The following PARD3B variants were observed in gnomAD, a reference collection of about 807,000 sequenced individuals.
PARD3B encodes par-3 family cell polarity regulator beta.
PARD3B carries 103 observed loss-of-function variants against 130.2 expected under a neutral mutation model. The ratio of observed to expected loss-of-function variants is 0.79; its 90% confidence interval spans 0.67 to 0.93. The LOEUF is 0.93. Ranked by LOEUF, PARD3B falls within the 40% of genes least tolerant of loss-of-function variation. PARD3B has a pLI of 0.00. For synonymous variants in PARD3B, 583 were observed against 553.2 expected (o/e 1.05, Z -0.76); for missense variants, 1,609 against 1,499.2 (o/e 1.07, Z -1.21).
chr2:204,854,800 G>T (rs1052344834), intron 2 of PARD3B, among the ~76,000 whole-genome samples: 1 of 152,124 alleles, frequency 6.6e-6, no homozygotes, highest in Non-Finnish European at 1.5e-5. Flanking sequence ...TGTTGTCTGG[G>T]ATATACACCC....
intron 3 of PARD3B, among the ~76,000 whole-genome samples, chr2:204,979,291 C>A (rs1005058947): frequency 6.6e-6 from 1 of 152,062 alleles, no homozygotes; most frequent in Admixed American, 6.6e-5. Context: ...CTTTAGACTG[C>A]CCTAGAGTAA....
chr2:205,438,041 T>C (rs1575021758), intron 19 of PARD3B, among the ~76,000 whole-genome samples: 2 of 152,044 alleles, frequency 1.3e-5, no homozygotes, highest in East Asian at 3.9e-4. Context: ...GATTACCTTG[T>C]CCTCCTCAAC....
chr2:205,028,692 A>G (rs1372812830), intron 3 of PARD3B, among the ~76,000 whole-genome samples: 1 of 152,172 alleles, frequency 6.6e-6, no homozygotes, highest in Non-Finnish European at 1.5e-5. Context: ...CAATTAGGCA[A>G]GAAAAACAAA....
intron 1 of PARD3B, among the ~76,000 whole-genome samples, chr2:204,624,163 G>T (rs2034401336): frequency 6.6e-6 from 1 of 152,094 alleles, no homozygotes; most frequent in Non-Finnish European, 1.5e-5. Flanking sequence ...GAAAAGAAAA[G>T]AAATCCCAAG....
intron 20 of PARD3B, among the ~76,000 whole-genome samples, chr2:205,468,091 C>T (rs1037593864): frequency 2.8e-4 from 42 of 152,190 alleles, no homozygotes; most frequent in Admixed American, 2.4e-3. Context: ...TTGCTTTGCC[C>T]GAAAGGAAGG....
intron 22 of PARD3B, among the ~76,000 whole-genome samples, chr2:205,604,018 A>G (rs2054889809): frequency 6.6e-6 from 1 of 152,098 alleles, no homozygotes; most frequent in Admixed American, 6.6e-5. Context: ...TGCTTCCTTC[A>G]GGAGCTCTTG....
chr2:205,120,761 G>A (rs2030602978), intron 7 of PARD3B, among the ~76,000 whole-genome samples: 1 of 152,206 alleles, frequency 6.6e-6, no homozygotes. Flanking sequence ...ATAGGGAAGA[G>A]AAACAGGAGA....
Position 205,615,560 on chromosome 2 carries a change from C to A in PARD3B, c.3365C>A (p.Pro1122His). The A allele has an allele frequency of 6.2e-7, 1 of 1,614,128 alleles. No homozygotes were observed. The highest frequency in any genetic ancestry group is 1.1e-5 in the South Asian group (1 of 91,074). The stretch of plus-strand genomic sequence containing the variant: ...CCAGGGGCTCATCCTATGCACCCTC[C>A]CAAAGGGAGCTATCCCCGCCCCACA... ...YYPGAHPMHP[P>H]KGSYPRPTEL... is the part of the protein sequence containing the mutation. The change falls in exon 23 of 23, where the codon CCC becomes CAC. Residue 1122 changes from proline (P) to histidine (H), a missense_variant. By Grantham distance (77) the Pro-to-His change is moderately conservative. Coordinates refer to ENST00000406610, the MANE Select transcript of PARD3B (RefSeq NM_001302769.2).
chr2:204,986,461 A>C (rs184807558), intron 3 of PARD3B, among the ~76,000 whole-genome samples: 3 of 152,330 alleles, frequency 2.0e-5, no homozygotes, highest in African/African-American at 7.2e-5. Context: ...TTTAAATCAT[A>C]ATCTCTCCTT....
chr2:205,124,297 ACT>A, intron 8 of PARD3B, 28 bp from the exon 9 acceptor site: 1 of 1,466,946 alleles, frequency 6.8e-7, no homozygotes, highest in South Asian at 1.6e-5. Flanking sequence ...GCTTAAGATG[ACT>A]ATACATTTTC....
intron 2 of PARD3B, among the ~76,000 whole-genome samples, chr2:204,866,780 C>T (rs2045436066): frequency 1.3e-5 from 2 of 151,852 alleles, no homozygotes; most frequent in Non-Finnish European, 2.9e-5. Flanking sequence ...GGGGCGTAAT[C>T]GTTTGAAATA....
chr2:204,817,322 AG>A (rs1022355725), intron 2 of PARD3B, among the ~76,000 whole-genome samples: 5 of 152,040 alleles, frequency 3.3e-5, no homozygotes, highest in African/African-American at 9.7e-5. Flanking sequence ...ATTCCTATAA[AG>A]GTCCTAGATC....
At chr2:204,662,837 C>A (rs1315242135) in intron 1 of PARD3B, among the ~76,000 whole-genome samples, 1 of 152,072 alleles carries the variant, frequency 6.6e-6, no homozygotes, top group Non-Finnish European at 1.5e-5. Flanking sequence ...GTAAATAAGG[C>A]CAATAACATG....
intron 1 of PARD3B, among the ~76,000 whole-genome samples, chr2:204,594,726 G>C (rs2033214261): frequency 1.3e-5 from 2 of 151,856 alleles, no homozygotes; most frequent in African/African-American, 4.8e-5. Flanking sequence ...TACCTCTATT[G>C]GTGGTTATTT....
intron 1 of PARD3B, among the ~76,000 whole-genome samples, chr2:204,671,628 G>C (rs2036306306): frequency 6.6e-6 from 1 of 152,274 alleles, no homozygotes; most frequent in East Asian, 1.9e-4. Context: ...CTACTTCCAT[G>C]AAGATAGAGT....
At chr2:204,575,034 GTT>G (rs34674668) in intron 1 of PARD3B, among the ~76,000 whole-genome samples, 1 of 151,810 alleles carries the variant, frequency 6.6e-6, no homozygotes, top group African/African-American at 2.4e-5. Context: ...CTTTGCTGAT[GTT>G]TTTTTTTCTG....
chr2:205,194,950 A>ATTTTTTTTTTT (rs56836818), intron 15 of PARD3B, among the ~76,000 whole-genome samples: 1,216 of 110,518 alleles, frequency 0.011, no homozygotes, highest in Non-Finnish European at 0.014. Context: ...CGCCAGGCTA[A>ATTTTTTTTTTT]TTTTTTTTTT....
intron 2 of PARD3B, among the ~76,000 whole-genome samples, chr2:204,811,364 A>G (rs906884631): frequency 6.6e-5 from 10 of 152,196 alleles, no homozygotes; most frequent in African/African-American, 2.2e-4. Context: ...TCTTATGTAT[A>G]TACTTTATCA....
chr2:205,576,613 G>T (rs988807366), intron 22 of PARD3B, among the ~76,000 whole-genome samples: 4 of 152,110 alleles, frequency 2.6e-5, no homozygotes, highest in Non-Finnish European at 5.9e-5. Flanking sequence ...ATGCTAAAAT[G>T]GGTCTACTTC....
Sources: allele counts gnomAD v4.1 joint callset (sites outside exome capture counted in the v4.1 genomes callset), GRCh38; gene constraint gnomAD v4.1.1; transcripts MANE v1.5; gene names NCBI Gene and HGNC (gene_info 2026-07-23, HGNC 2026-07-21).